Variants in EML1 observed in about 807,000 individuals in gnomAD.
EML1 encodes the protein echinoderm microtubule-associated protein-like 1.
A neutral mutation model predicts 110.4 loss-of-function variants in EML1; 27 were observed. That is an observed-to-expected ratio of 0.24 (90% CI 0.18 to 0.34). The LOEUF is 0.34. EML1 is among the 10% of genes least tolerant of loss of function. The probability of loss-of-function intolerance (pLI) is 1.00; values close to 1 mark genes in which losing one functional copy is unlikely to be tolerated. For missense variants in EML1, 741 were observed against 1,030.9 expected, an observed-to-expected ratio of 0.72 and a Z score of 3.85; for synonymous variants, 344 against 385.8, an observed-to-expected ratio of 0.89 and a Z score of 1.27.
At chr14:99,920,374 C>G (rs542225286) in intron 16 of EML1, among the ~76,000 whole-genome samples, 2 of 152,282 alleles carry the variant, frequency 1.3e-5, no homozygotes, top group African/African-American at 4.8e-5. Flanking sequence ...CGGAGTTGTC[C>G]CAGCCCCATC....
At chr14:99,929,559 ATAAC>A (rs1206950242) in intron 17 of EML1, among the ~76,000 whole-genome samples, 1 of 152,236 alleles carries the variant, frequency 6.6e-6, no homozygotes, top group African/African-American at 2.4e-5. Context: ...GAATGTAGCT[ATAAC>A]TAACTACAGT....
At chr14:99,823,518 T>C (rs897315758) in intron 1 of EML1, among the ~76,000 whole-genome samples, 1 of 152,110 alleles carries the variant, frequency 6.6e-6, no homozygotes, top group African/African-American at 2.4e-5. Context: ...ATCCTAACAG[T>C]CTTGATCATT....
intron 1 of EML1, among the ~76,000 whole-genome samples, chr14:99,807,795 A>G (rs2058005535): frequency 6.6e-6 from 1 of 152,198 alleles, no homozygotes. Flanking sequence ...TAGAATCAAG[A>G]TGCTAGGACT....
upstream of EML1, chr14:99,793,240 C>A (rs1289766817): frequency 1.4e-5 from 10 of 732,480 alleles, no homozygotes; most frequent in Non-Finnish European, 1.7e-5. Context: ...CGTCCCCCTC[C>A]CGGCCCGGGC....
At chr14:99,901,273 G>C (rs1181443129) in intron 9 of EML1, among the ~76,000 whole-genome samples, 1 of 152,192 alleles carries the variant, frequency 6.6e-6, no homozygotes, top group Non-Finnish European at 1.5e-5. Flanking sequence ...GTTTGGTGAT[G>C]AAAACAGGCC....
intron 3 of EML1, among the ~76,000 whole-genome samples, chr14:99,875,675 G>A (rs557833383): frequency 5.3e-5 from 8 of 152,314 alleles, no homozygotes; most frequent in Admixed American, 5.2e-4. Flanking sequence ...AGCTGGTTGG[G>A]CAAAGTGTGC....
rs1474817283 is a variant in EML1, at chr14:99,905,965, C to G, written c.1009-1673C>G. Among the ~76,000 whole-genome samples, 2 of 152,130 alleles carry G rather than the reference C, an allele frequency of 1.3e-5. No individual in the cohort carries two copies. Among genetic ancestry groups the G allele is most frequent in the East Asian group, 3.9e-4 (2 of 5,182 alleles). On this transcript the variant is annotated intron_variant, in intron 9 of 21. Transcript: ENST00000262233. The surrounding 1 kb of genome is among the most constrained non-coding windows in gnomAD (Gnocchi z 4.1). ...CCCAAAATCAGCCATTCGGTGTGTA[C>G]AGATGATTTTTCTTTGCATCAGGGG...
chr14:99,753,305 G>A (rs554695374), intron 1 of EML1, among the ~76,000 whole-genome samples: 3 of 151,184 alleles, frequency 2.0e-5, no homozygotes, highest in African/African-American at 7.3e-5. Context: ...AGACACTTCA[G>A]GGGGAAGTCC....
chr14:99,776,370 G>A (rs1429691764), intron 1 of EML1, among the ~76,000 whole-genome samples: 1 of 152,080 alleles, frequency 6.6e-6, no homozygotes, highest in Non-Finnish European at 1.5e-5. Flanking sequence ...AGGGTGTGGT[G>A]GTGGGCACCA....
chr14:99,903,784 CA>C (rs1181817280), intron 9 of EML1, among the ~76,000 whole-genome samples: 1,847 of 141,156 alleles, frequency 0.013, 36 homozygotes, highest in African/African-American at 0.038. Flanking sequence ...TAAATCTATT[CA>C]TTTTTTTTTT....
intron 1 of EML1, among the ~76,000 whole-genome samples, chr14:99,845,324 T>G (rs2058690729): frequency 1.3e-5 from 2 of 152,252 alleles, no homozygotes; most frequent in Non-Finnish European, 2.9e-5. Flanking sequence ...TGGTGGTCTA[T>G]TTAAGTCTTT....
intron 10 of EML1, 28 bp from the exon 11 acceptor site, chr14:99,909,317 G>A (rs374697641): frequency 5.6e-6 from 9 of 1,614,064 alleles, no homozygotes; most frequent in Non-Finnish European, 7.6e-6. Context: ...AGAGATGTGA[G>A]GCATCCGAGT....
intron 3 of EML1, among the ~76,000 whole-genome samples, chr14:99,872,919 C>G (rs1313959519): frequency 6.6e-6 from 1 of 152,068 alleles, no homozygotes; most frequent in Non-Finnish European, 1.5e-5. Context: ...GTTTTTCAGC[C>G]TGGTGCTTAA....
intron 3 of EML1, among the ~76,000 whole-genome samples, chr14:99,872,493 TA>T (rs2059222818): frequency 6.6e-6 from 1 of 152,220 alleles, no homozygotes; most frequent in Non-Finnish European, 1.5e-5. Flanking sequence ...ATTACTCTAA[TA>T]AGCTATTGTC....
chr14:99,743,787 G>A (rs769940427), intron 1 of EML1, among the ~76,000 whole-genome samples: 5 of 152,280 alleles, frequency 3.3e-5, no homozygotes, highest in South Asian at 2.1e-4. Flanking sequence ...AAGGCAACTC[G>A]GAAAGGAAAG....
chr14:99,865,708 G>A (rs762515750), intron 3 of EML1, 62 bp downstream of exon 3: 7 of 1,552,596 alleles, frequency 4.5e-6, no homozygotes, highest in Non-Finnish European at 6.1e-6. Context: ...ATTCCAACAT[G>A]AGTATTACTT....
chr14:99,741,244 GTCTC>G (rs2057038777), intron 1 of EML1, among the ~76,000 whole-genome samples: 1 of 152,188 alleles, frequency 6.6e-6, no homozygotes, highest in Non-Finnish European at 1.5e-5. Context: ...GAGTGACCCT[GTCTC>G]TCCTCCTGTG....
At chr14:99,813,508 A>T (rs1395694248) in intron 1 of EML1, among the ~76,000 whole-genome samples, 1 of 152,126 alleles carries the variant, frequency 6.6e-6, no homozygotes, top group Admixed American at 6.5e-5. Context: ...TGAGCCCAGG[A>T]GTTTGAGACC....
At chr14:99,822,715 T>G (rs1316551509) in intron 1 of EML1, among the ~76,000 whole-genome samples, 1 of 152,150 alleles carries the variant, frequency 6.6e-6, no homozygotes, top group Non-Finnish European at 1.5e-5. Flanking sequence ...TCTTTTTTCT[T>G]TATTATCCCC....
Sources: gnomAD v4.1 joint callset for allele counts (sites outside exome capture counted in the v4.1 genomes callset) on GRCh38, gnomAD v4.1.1 for gene constraint, Gnocchi (gnomAD v3.1) non-coding constraint, MANE v1.5 for transcripts, NCBI Gene and HGNC (gene_info 2026-07-23, HGNC 2026-07-21) for gene names.